Variants in GALNT15 observed in about 807,000 individuals in gnomAD.
The protein encoded by GALNT15 is polypeptide N-acetylgalactosaminyltransferase 15, also known as UDP-GalNAc transferase T15.
In GALNT15, 67 loss-of-function variants were observed where a neutral mutation model predicts 66.8. The observed-to-expected ratio is 1.00, with a 90% CI of 0.82 to 1.23. The LOEUF (loss-of-function observed/expected upper bound fraction) is 1.23. Ranked by LOEUF, GALNT15 falls within the 50% of genes most tolerant of loss-of-function variation. GALNT15 has a pLI of 0.00. For synonymous variants in GALNT15, 313 were observed against 311.5 expected, an observed-to-expected ratio of 1.00 and a Z score of -0.05; for missense variants, 827 against 804.3, an observed-to-expected ratio of 1.03 and a Z score of -0.34.
At chr3:16,226,581 A>G (rs1023701760) in intron 9 of GALNT15, among the ~76,000 whole-genome samples, 30 of 152,058 alleles carry the variant, frequency 2.0e-4, no homozygotes, top group Non-Finnish European at 3.1e-4. Flanking sequence ...CAAACAACCA[A>G]TCTTGTGAGA....
rs1168930933 is a variant in GALNT15, at chr3:16,227,426, T to C, written c.1846T>C (p.Tyr616His). The change falls in exon 10 of 10, where the codon TAC becomes CAC. Residue 616 changes from tyrosine (Y) to histidine (H), a missense_variant. Coordinates refer to ENST00000339732, the MANE Select transcript of GALNT15 (RefSeq NM_054110.5). This position sits in a 1 kb window ranked among gnomAD's most constrained non-coding sequence, Gnocchi z 4.5. Reference protein sequence around the residue: ...AVVQENNKDLYLRPCDGKARQ... With the variant: ...AVVQENNKDLHLRPCDGKARQ... ...GGTGCAAGAAAACAATAAAGATTTG[T>C]ACCTGCGTCCGTGTGATGGAAAAGC... 1.2e-6 allele frequency: 2 copies of C among 1,614,056 alleles called. No homozygotes were observed. The highest frequency in any genetic ancestry group is 1.3e-5 in the African/African-American group (1 of 74,930).
intron 1 of GALNT15, among the ~76,000 whole-genome samples, chr3:16,194,582 A>C (rs903150318): frequency 2.0e-5 from 3 of 152,218 alleles, no homozygotes; most frequent in Admixed American, 6.5e-5. Flanking sequence ...AATCAACCCA[A>C]ATGCCCATCA....
In GALNT15 at chr3:16,211,105, G is replaced by T. The variant is rs767383661; in HGVS notation, c.1080-19G>T. The stretch of plus-strand genomic sequence containing the variant: ...TCTGGGTTCTGAACTGCAGTGTCCT[G>T]CCTGTCTTCTGTGTCCAGGAGCCCT... On this transcript the variant is annotated intron_variant, in intron 4 of 9. Coordinates refer to ENST00000339732, the MANE Select transcript of GALNT15 (RefSeq NM_054110.5). This position sits in a 1 kb window ranked among gnomAD's most constrained non-coding sequence, Gnocchi z 4.3. 6.3e-7 allele frequency: 1 copy of T among 1,582,368 alleles called. No individual in the cohort carries two copies.
Position 16,175,413 on chromosome 3 carries a change from A to T in GALNT15, c.262A>T (p.Ile88Phe). Reference protein sequence around the residue: ...YSPLEGLPPFISLREDQLLVA... With the variant: ...YSPLEGLPPFFSLREDQLLVA... ...CCCTCTGGAGGGCCTGCCACCCTTTATCTCACTGCGGGAGGATCAGCTGCT... is the reference window on the plus strand; with the variant it reads ...CCCTCTGGAGGGCCTGCCACCCTTTTTCTCACTGCGGGAGGATCAGCTGCT... Residue 88 changes from isoleucine to phenylalanine, a missense_variant, in exon 1 of 10, where the codon ATC becomes TTC. Transcript: ENST00000339732. The surrounding 1 kb of genome is among the most constrained non-coding windows in gnomAD (Gnocchi z 5.6). 1 of 1,614,170 alleles carries T rather than the reference A, an allele frequency of 6.2e-7. No homozygotes were observed. Among genetic ancestry groups the T allele is most frequent in the Non-Finnish European group, 8.5e-7 (1 of 1,180,024 alleles).
rs1352946464 is a variant in GALNT15, at chr3:16,219,412, C to A, written c.1402C>A (p.Pro468Thr). 4 of 1,613,992 alleles carry A rather than the reference C, an allele frequency of 2.5e-6. No individual in the cohort carries two copies. Among genetic ancestry groups the A allele is most frequent in the South Asian group, 2.2e-5 (2 of 91,036 alleles). The change falls in exon 7 of 10, where the codon CCA becomes ACA. Residue 468 changes from proline to threonine, a missense_variant. Physicochemically the swap from Pro to Thr is conservative, Grantham distance 38 (BLOSUM62 -1). Coordinates refer to ENST00000339732, the MANE Select transcript of GALNT15 (RefSeq NM_054110.5). This position sits in a 1 kb window ranked among gnomAD's most constrained non-coding sequence, Gnocchi z 4.3. Reference protein sequence around the residue: ...EAFSLSKAEKPDCMERLQLQR... With the variant: ...EAFSLSKAEKTDCMERLQLQR... ...TCTTTCTCCTCCCCAGGCTGAGAAG[C>A]CAGACTGCATGGAACGCTTGCAGCT...
chr3:16,190,445 T>C (rs2063562552), intron 1 of GALNT15, among the ~76,000 whole-genome samples: 1 of 152,118 alleles, frequency 6.6e-6, no homozygotes, highest in South Asian at 2.1e-4. Context: ...GAGACCATCC[T>C]GGCTAACACG....
chr3:16,225,209 G>A lies in GALNT15; in HGVS notation c.1774-2145G>A, dbSNP rs1485691490. Among the ~76,000 whole-genome samples, 1 of 152,130 alleles carries A rather than the reference G, an allele frequency of 6.6e-6. No homozygotes were observed. The highest frequency in any genetic ancestry group is 1.5e-5 in the Non-Finnish European group (1 of 68,034). On this transcript the variant is annotated intron_variant, in intron 9 of 9. Coordinates refer to ENST00000339732, the MANE Select transcript of GALNT15 (RefSeq NM_054110.5). The surrounding 1 kb of genome is among the most constrained non-coding windows in gnomAD (Gnocchi z 4.4). ...ATCCTCAAGAACTCGCTATCAAGAA[G>A]ACAGCACGAAGCCATGAGGGATCTG...
rs1465921288 is a variant in GALNT15 at position 16,219,945 on chromosome 3, C to T, written c.1560C>T (p.Cys520=). The T allele has an allele frequency of 6.2e-7, 1 of 1,614,186 alleles. No homozygotes were observed. Among genetic ancestry groups the T allele is most frequent in the South Asian group, 1.1e-5 (1 of 91,078 alleles). The change falls in exon 8 of 10, where the codon TGC becomes TGT. Residue 520 remains cysteine (C), a synonymous_variant. Coordinates refer to ENST00000339732, the MANE Select transcript of GALNT15 (RefSeq NM_054110.5). The surrounding 1 kb of genome is among the most constrained non-coding windows in gnomAD (Gnocchi z 4.3). ...CTGGACTTGGGCTCTGTGCAGACTGCCAGGCAGAAGGGGACATCCTGGGCT... is the reference window on the plus strand; with the variant it reads ...CTGGACTTGGGCTCTGTGCAGACTGTCAGGCAGAAGGGGACATCCTGGGCT... ...HNTGLGLCAD[C]QAEGDILGCP...
intron 1 of GALNT15, among the ~76,000 whole-genome samples, chr3:16,179,550 G>A (rs543341729): frequency 5.1e-4 from 78 of 152,286 alleles, no homozygotes; most frequent in African/African-American, 1.8e-3. Flanking sequence ...GGAGCTGGGT[G>A]CACCCTATGA....
rs1200044796 is a variant in GALNT15 at position 16,228,458 on chromosome 3, T to C, written c.*958T>C. On this transcript the variant is annotated 3_prime_UTR_variant, in exon 10 of 10. Transcript: ENST00000339732. ...GGGTTTGAGACCAGCCTGGTCAACA[T>C]TGCAAAACCTTGTCTCTACTAAAAA... 4 of 614,036 alleles carry C rather than the reference T, an allele frequency of 6.5e-6. No individual in the cohort carries two copies. Among genetic ancestry groups the C allele is most frequent in the Non-Finnish European group, 8.2e-6 (4 of 490,770 alleles). 38.0% of individuals were successfully genotyped at this position (614,036 alleles called of 1,614,324 possible).
chr3:16,246,753 G>A, the GALNT15 span, among the ~76,000 whole-genome samples: 36 of 152,064 alleles, frequency 2.4e-4, no homozygotes, highest in Non-Finnish European at 4.1e-4. Context: ...GGAAAGAAAA[G>A]CATAATATTA....
chr3:16,185,769 A>AGATAGATAGATAGATAGATAGAT (rs1559676555), intron 1 of GALNT15, among the ~76,000 whole-genome samples: 1 of 151,988 alleles, frequency 6.6e-6, no homozygotes, highest in African/African-American at 2.4e-5. Flanking sequence ...ATAGATAGAT[A>AGATAGATAGATAGATAGATAGAT]GATAGATAGA....
rs1467472563 is a variant in GALNT15 at position 16,212,738 on chromosome 3, G to A, written c.1367G>A (p.Ser456Asn). 5 of 1,613,542 alleles carry A rather than the reference G, an allele frequency of 3.1e-6. No individual in the cohort carries two copies. The highest frequency in any genetic ancestry group is 1.7e-5 in the Admixed American group (1 of 60,024). The stretch of plus-strand genomic sequence containing the variant: ...TTCAAAGAAACCTTCTACAAGCATA[G>A]CCCAGAGGCCTTCTCCTTGAGCAAG... Reference protein sequence around the residue: ...GSFKETFYKHSPEAFSLSKAE... With the variant: ...GSFKETFYKHNPEAFSLSKAE... Residue 456 changes from serine (S) to asparagine (N), a missense_variant, in exon 6 of 10, where the codon AGC (serine) becomes AAC (asparagine). Ser to Asn is a conservative substitution (Grantham distance 46). Transcript: ENST00000339732.
chr3:16,207,124 A>G (rs1188821476), intron 3 of GALNT15, among the ~76,000 whole-genome samples: 2 of 152,140 alleles, frequency 1.3e-5, no homozygotes, highest in African/African-American at 2.4e-5. Context: ...AACTCCTTAC[A>G]CTTATGTCAG....
downstream of GALNT15, among the ~76,000 whole-genome samples, chr3:16,236,023 T>C (rs2064123178): frequency 7.0e-6 from 1 of 143,054 alleles, no homozygotes; most frequent in African/African-American, 2.6e-5. Context: ...GAGAATCACT[T>C]GAACCAGGGA....
In GALNT15 at chr3:16,191,890, T is replaced by C. The variant is rs1012824220; in HGVS notation, c.540-3870T>C. 6.6e-6 allele frequency among the ~76,000 whole-genome samples: 1 copy of C among 152,228 alleles called. No individual in the cohort carries two copies. Among genetic ancestry groups the C allele is most frequent in the South Asian group, 2.1e-4 (1 of 4,830 alleles). On this transcript the variant is annotated intron_variant, in intron 1 of 9. Transcript: ENST00000339732. This position sits in a 1 kb window ranked among gnomAD's most constrained non-coding sequence, Gnocchi z 5.2. ...ATACTGTAGAATAGTTGTTTAAAGA[T>C]AGCTATAATTTGCAAAGATGATCAT... is the stretch of plus-strand genomic sequence containing the variant.
Position 16,186,062 on chromosome 3 carries a change from G to T in GALNT15, c.540-9698G>T, listed in dbSNP as rs772586604. ...AAGTCCTATATTGCATAAGAGATTT[G>T]TATCCAAAATACAAAAAGAACCCTT... On this transcript the variant is annotated intron_variant, in intron 1 of 9. Transcript: ENST00000339732. This position sits in a 1 kb window ranked among gnomAD's most constrained non-coding sequence, Gnocchi z 5.1. Among the ~76,000 whole-genome samples, 1 of 152,068 alleles carries T rather than the reference G, an allele frequency of 6.6e-6. No homozygotes were observed. The highest frequency in any genetic ancestry group is 1.5e-5 in the Non-Finnish European group (1 of 68,012).
the GALNT15 span, among the ~76,000 whole-genome samples, chr3:16,248,028 T>C: frequency 6.6e-6 from 1 of 152,222 alleles, no homozygotes; most frequent in East Asian, 1.9e-4. This position sits in a 1 kb window ranked among gnomAD's most constrained non-coding sequence, Gnocchi z 4.9. Context: ...CAGTCCCACC[T>C]GCTCCATTTT....
At chr3:16,232,469 A>AATAAATAAATAAAT (rs1553689248), downstream of GALNT15, among the ~76,000 whole-genome samples, 13 of 38,738 alleles carry the variant, frequency 3.4e-4, no homozygotes, top group Non-Finnish European at 3.2e-4. Context: ...TAAATAAATA[A>AATAAATAAATAAAT]ATATATATAT....
Sources: gnomAD v4.1 joint callset for allele counts (sites outside exome capture counted in the v4.1 genomes callset) on GRCh38, gnomAD v4.1.1 for gene constraint, Gnocchi (gnomAD v3.1) non-coding constraint, MANE v1.5 for transcripts, NCBI Gene and HGNC (gene_info 2026-07-23, HGNC 2026-07-21) for gene names.